The following HCN1 variants were observed in gnomAD, a reference collection of about 807,000 sequenced individuals.
HCN1 encodes the protein hyperpolarization activated cyclic nucleotide gated potassium channel 1.
Under a neutral mutation model 78.9 loss-of-function variants are expected in HCN1, and 13 were observed. That is an observed-to-expected ratio of 0.16 (90% CI 0.11 to 0.26). The LOEUF (loss-of-function observed/expected upper bound fraction) is 0.26. Among genes scored for constraint, HCN1 ranks in the 10% least tolerant of loss-of-function variants. The probability of loss-of-function intolerance (pLI) is 1.00; values close to 1 mark genes in which losing one functional copy is unlikely to be tolerated. For missense variants in HCN1, 810 were observed against 1,154.3 expected (o/e 0.70, Z 4.32); for synonymous variants, 552 against 455.5 (o/e 1.21, Z -2.70).
intron 4 of HCN1, among the ~76,000 whole-genome samples, chr5:45,356,094 C>T (rs7727853): frequency 0.01 from 1,587 of 151,746 alleles, 25 homozygotes; most frequent in African/African-American, 0.036. Flanking sequence ...GTAGTCAGAC[C>T]GTGAAACAAA....
intron 1 of HCN1, among the ~76,000 whole-genome samples, chr5:45,659,741 G>T (rs1292361233): frequency 8.6e-6 from 1 of 115,816 alleles, no homozygotes; most frequent in African/African-American, 3.8e-5. Flanking sequence ...AAGCGAGAAG[G>T]GAAGTTTAGA....
intron 3 of HCN1, among the ~76,000 whole-genome samples, chr5:45,444,122 C>A (rs1250828739): frequency 6.6e-6 from 1 of 152,238 alleles, no homozygotes; most frequent in South Asian, 2.1e-4. Context: ...ATCCTTTCTG[C>A]TACACTTTTG....
intron 2 of HCN1, among the ~76,000 whole-genome samples, chr5:45,522,048 T>C (rs1561187042): frequency 6.6e-6 from 1 of 152,006 alleles, no homozygotes; most frequent in Non-Finnish European, 1.5e-5. Flanking sequence ...TGCAATTTTA[T>C]TCAACTGTAT....
chr5:45,606,055 C>A (rs1372935687), intron 2 of HCN1, among the ~76,000 whole-genome samples: 2 of 151,744 alleles, frequency 1.3e-5, no homozygotes, highest in Non-Finnish European at 2.9e-5. Flanking sequence ...AAATATTCCC[C>A]AGGCAGGGTT....
chr5:45,466,693 T>C (rs552123290), intron 2 of HCN1, among the ~76,000 whole-genome samples: 8 of 152,306 alleles, frequency 5.3e-5, no homozygotes, highest in Admixed American at 2.6e-4. Context: ...CAATATGTAA[T>C]AGTCCTAATC....
intron 3 of HCN1, among the ~76,000 whole-genome samples, chr5:45,429,838 A>T (rs1056592938): frequency 3.9e-5 from 6 of 152,148 alleles, no homozygotes; most frequent in African/African-American, 1.4e-4. Context: ...GTGAGCCTGG[A>T]GATGAGACCT....
At chr5:45,511,018 T>C (rs1742405261) in intron 2 of HCN1, among the ~76,000 whole-genome samples, 1 of 151,030 alleles carries the variant, frequency 6.6e-6, no homozygotes, top group African/African-American at 2.5e-5. Flanking sequence ...GGTAATATGA[T>C]GTAAGCAGTT....
chr5:45,439,975 C>A (rs1740639924), intron 3 of HCN1, among the ~76,000 whole-genome samples: 1 of 147,454 alleles, frequency 6.8e-6, no homozygotes, highest in Non-Finnish European at 1.5e-5. Context: ...TATTAAATAT[C>A]ATATATAATA....
chr5:45,522,839 T>C (rs933029544), intron 2 of HCN1, among the ~76,000 whole-genome samples: 10 of 151,768 alleles, frequency 6.6e-5, no homozygotes, highest in Non-Finnish European at 1.2e-4. Flanking sequence ...TGCTTTCACA[T>C]CTTTTTTTTT....
chr5:45,497,279 T>C (rs1479006031), intron 2 of HCN1, among the ~76,000 whole-genome samples: 1 of 152,148 alleles, frequency 6.6e-6, no homozygotes, highest in East Asian at 1.9e-4. Flanking sequence ...GTCTCGTTGA[T>C]CTGTCTAATG....
At chr5:45,368,895 T>A (rs1487226251) in intron 4 of HCN1, among the ~76,000 whole-genome samples, 1 of 152,086 alleles carries the variant, frequency 6.6e-6, no homozygotes, top group Non-Finnish European at 1.5e-5. Context: ...ATAAATTAAG[T>A]GAACATTTTC....
At chr5:45,281,026 A>T (rs2111868173) in intron 6 of HCN1, among the ~76,000 whole-genome samples, 1 of 152,216 alleles carries the variant, frequency 6.6e-6, no homozygotes, top group Admixed American at 6.5e-5. Flanking sequence ...CAAAAAAAAA[A>T]AATACAGAAA....
At chr5:45,268,509 C>T (rs1744902449) in intron 6 of HCN1, among the ~76,000 whole-genome samples, 1 of 152,136 alleles carries the variant, frequency 6.6e-6, no homozygotes, top group Non-Finnish European at 1.5e-5. Flanking sequence ...TAAAGAAGTT[C>T]TATTTATGTT....
At chr5:45,266,988 C>T in intron 7 of HCN1, 101 bp downstream of exon 7, 1 of 999,670 alleles carries the variant, frequency 1.0e-6, no homozygotes. Flanking sequence ...GGATTACAGG[C>T]ATGAGTCACC....
At chr5:45,396,828 T>G in intron 3 of HCN1, 118 bp from the exon 4 acceptor site, 4 of 777,110 alleles carry the variant, frequency 5.1e-6, no homozygotes, top group Non-Finnish European at 9.2e-6. Flanking sequence ...ATCCTTACAA[T>G]GGAGCATTTA....
At chr5:45,688,068 T>C (rs1446445691) in intron 1 of HCN1, among the ~76,000 whole-genome samples, 4 of 152,168 alleles carry the variant, frequency 2.6e-5, no homozygotes, top group Non-Finnish European at 5.9e-5. Flanking sequence ...ATTGTGGAAG[T>C]GGAATAATTT....
intron 2 of HCN1, among the ~76,000 whole-genome samples, chr5:45,568,318 ATCT>A (rs1393604563): frequency 6.6e-6 from 1 of 152,076 alleles, no homozygotes; most frequent in Non-Finnish European, 1.5e-5. Flanking sequence ...AATACAATTA[ATCT>A]TCTTTAGATG....
intron 3 of HCN1, among the ~76,000 whole-genome samples, chr5:45,414,275 C>T (rs142878103): frequency 5.9e-4 from 90 of 152,100 alleles, no homozygotes; most frequent in African/African-American, 1.8e-3. Flanking sequence ...CTCCCTCCTC[C>T]ATGCCTCACC....
At chr5:45,556,211 A>T (rs890294244) in intron 2 of HCN1, among the ~76,000 whole-genome samples, 1 of 151,982 alleles carries the variant, frequency 6.6e-6, no homozygotes, top group Non-Finnish European at 1.5e-5. Context: ...GACAAATGAG[A>T]TCACATCAAG....
Sources: allele counts gnomAD v4.1 joint callset (sites outside exome capture counted in the v4.1 genomes callset), GRCh38; gene constraint gnomAD v4.1.1; transcripts MANE v1.5; gene names NCBI Gene and HGNC (gene_info 2026-07-23, HGNC 2026-07-21).